The following GRIA4 variants were observed in gnomAD, a reference collection of about 807,000 sequenced individuals.
GRIA4 encodes glutamate ionotropic receptor AMPA type subunit 4, also known as glutamate receptor 4.
In GRIA4, 34 loss-of-function variants were observed where a neutral mutation model predicts 104.0. The observed-to-expected ratio is 0.33, with a 90% CI of 0.25 to 0.44. The LOEUF (loss-of-function observed/expected upper bound fraction) is 0.44. Among genes scored for constraint, GRIA4 ranks in the 20% least tolerant of loss-of-function variants. The pLI is 1.00. For synonymous variants in GRIA4, 386 were observed against 381.9 expected, an observed-to-expected ratio of 1.01 and a Z score of -0.13; for missense variants, 750 against 1,096.5, an observed-to-expected ratio of 0.68 and a Z score of 4.46.
chr11:105,917,138 T>C (rs982103977), intron 10 of GRIA4, among the ~76,000 whole-genome samples: 1 of 152,202 alleles, frequency 6.6e-6, no homozygotes, highest in African/African-American at 2.4e-5. Flanking sequence ...TACTGCATAA[T>C]TTTCATCTAT....
chr11:105,638,465 T>A (rs1003345957), intron 3 of GRIA4, among the ~76,000 whole-genome samples: 1 of 152,026 alleles, frequency 6.6e-6, no homozygotes, highest in Non-Finnish European at 1.5e-5. Flanking sequence ...ATAAATATGA[T>A]CAGGGCAAAG....
At chr11:105,806,526 C>T (rs1185296195) in intron 4 of GRIA4, among the ~76,000 whole-genome samples, 9 of 151,874 alleles carry the variant, frequency 5.9e-5, no homozygotes, top group Admixed American at 5.9e-4. Flanking sequence ...CATTTGCCCA[C>T]CTCTCATCCT....
At chr11:105,917,095 A>C (rs1240351675) in intron 10 of GRIA4, among the ~76,000 whole-genome samples, 1 of 152,100 alleles carries the variant, frequency 6.6e-6, no homozygotes, top group Non-Finnish European at 1.5e-5. Context: ...CATTTGCTAA[A>C]CTCTTTATAT....
At chr11:105,739,032 C>T (rs1939145149) in intron 3 of GRIA4, among the ~76,000 whole-genome samples, 3 of 151,740 alleles carry the variant, frequency 2.0e-5, no homozygotes, top group African/African-American at 7.3e-5. Context: ...TCTCACCTTC[C>T]TTCCTTCCAA....
chr11:105,819,516 G>A (rs994693486), intron 4 of GRIA4, among the ~76,000 whole-genome samples: 6 of 152,004 alleles, frequency 3.9e-5, no homozygotes, highest in African/African-American at 7.2e-5. Flanking sequence ...CTTAGGTATC[G>A]TTGACAGTGT....
At chr11:105,942,467 C>CAT (rs375414096) in intron 14 of GRIA4, among the ~76,000 whole-genome samples, 2 of 151,660 alleles carry the variant, frequency 1.3e-5, no homozygotes, top group African/African-American at 4.8e-5. Flanking sequence ...ACCACTTCCA[C>CAT]ATATATATAT....
chr11:105,721,572 G>T (rs1305625489), intron 3 of GRIA4, among the ~76,000 whole-genome samples: 6 of 152,164 alleles, frequency 3.9e-5, no homozygotes, highest in African/African-American at 1.4e-4. Flanking sequence ...TATTAATAGT[G>T]CAAAGCACTG....
chr11:105,960,765 G>A (rs763747103), intron 14 of GRIA4, among the ~76,000 whole-genome samples: 2 of 152,210 alleles, frequency 1.3e-5, no homozygotes, highest in African/African-American at 2.4e-5. Flanking sequence ...GTGGGTTCGC[G>A]AGTGGGACCT....
intron 14 of GRIA4, among the ~76,000 whole-genome samples, chr11:105,957,746 T>C (rs1042519804): frequency 3.9e-5 from 6 of 152,252 alleles, no homozygotes; most frequent in African/African-American, 1.4e-4. Flanking sequence ...TCCATGAGCA[T>C]GGAATGTTCT....
chr11:105,821,527 A>G (rs1397494264), intron 4 of GRIA4, among the ~76,000 whole-genome samples: 1 of 151,994 alleles, frequency 6.6e-6, no homozygotes, highest in Non-Finnish European at 1.5e-5. Flanking sequence ...ACATGGCAGA[A>G]GCAGGAGCAA....
intron 3 of GRIA4, among the ~76,000 whole-genome samples, chr11:105,686,230 C>T (rs1487904576): frequency 6.6e-6 from 1 of 152,120 alleles, no homozygotes; most frequent in African/African-American, 2.4e-5. Context: ...CTCCATCTCT[C>T]CCTTCTCTAG....
intron 3 of GRIA4, among the ~76,000 whole-genome samples, chr11:105,739,947 G>T (rs897612084): frequency 3.9e-5 from 6 of 152,188 alleles, no homozygotes; most frequent in Non-Finnish European, 8.8e-5. Context: ...GCTGAGCAGT[G>T]AGTGTTTGGG....
intron 3 of GRIA4, among the ~76,000 whole-genome samples, chr11:105,718,267 A>G (rs1351061810): frequency 6.6e-6 from 1 of 152,224 alleles, no homozygotes; most frequent in Non-Finnish European, 1.5e-5. Flanking sequence ...ACTGAGGATC[A>G]GCCAATTAAG....
chr11:105,643,013 G>A (rs1455580177), intron 3 of GRIA4, among the ~76,000 whole-genome samples: 5 of 152,114 alleles, frequency 3.3e-5, no homozygotes, highest in Non-Finnish European at 5.9e-5. Flanking sequence ...GAGAAGTGCT[G>A]AGCAATAGGG....
At chr11:105,635,896 G>A (rs368509050) in intron 3 of GRIA4, among the ~76,000 whole-genome samples, 5 of 152,268 alleles carry the variant, frequency 3.3e-5, no homozygotes, top group East Asian at 3.9e-4. Flanking sequence ...ACTCAATGTC[G>A]TTTAGAAATA....
intron 3 of GRIA4, among the ~76,000 whole-genome samples, chr11:105,623,344 C>T (rs577696452): frequency 1.4e-4 from 21 of 151,922 alleles, no homozygotes; most frequent in Non-Finnish European, 1.9e-4. Flanking sequence ...TAATTTCCTG[C>T]TTCTGCTTTT....
At chr11:105,839,072 C>G (rs913473548) in intron 4 of GRIA4, among the ~76,000 whole-genome samples, 16 of 152,234 alleles carry the variant, frequency 1.1e-4, no homozygotes, top group African/African-American at 3.6e-4. Context: ...CATGCATGCA[C>G]CGGCCCCCTC....
intron 11 of GRIA4, among the ~76,000 whole-genome samples, chr11:105,924,037 G>A (rs1349406788): frequency 1.3e-5 from 2 of 152,082 alleles, no homozygotes; most frequent in East Asian, 1.9e-4. Flanking sequence ...TCCTGGCCAG[G>A]AAATTCACAA....
chr11:105,655,621 A>G, intron 3 of GRIA4, among the ~76,000 whole-genome samples: 1 of 152,006 alleles, frequency 6.6e-6, no homozygotes, highest in East Asian at 1.9e-4. Flanking sequence ...GCTGAGAATG[A>G]TGGTTTCCAG....
Sources: gnomAD v4.1 joint callset for allele counts (sites outside exome capture counted in the v4.1 genomes callset) on GRCh38, gnomAD v4.1.1 for gene constraint, MANE v1.5 for transcripts, NCBI Gene and HGNC (gene_info 2026-07-23, HGNC 2026-07-21) for gene names.